LRP1B: variants seen among roughly 807,000 people sequenced by gnomAD.
LRP1B encodes the protein LDL receptor related protein 1B.
Under a neutral mutation model 556.6 loss-of-function variants are expected in LRP1B, and 217 were observed. That is an observed-to-expected ratio of 0.39 (90% CI 0.35 to 0.44). The LOEUF (loss-of-function observed/expected upper bound fraction) is 0.44, where lower values mean the gene tolerates loss of function less well. Among genes scored for constraint, LRP1B ranks in the 20% least tolerant of loss-of-function variants. The pLI is 1.00. For synonymous variants in LRP1B, 2,047 were observed against 1,865.8 expected (o/e 1.10, Z -2.50); for missense variants, 5,053 against 5,620.8 (o/e 0.90, Z 3.23).
intron 1 of LRP1B, among the ~76,000 whole-genome samples, chr2:141,898,364 AC>A (rs1355159351): frequency 3.3e-5 from 5 of 152,100 alleles, no homozygotes; most frequent in African/African-American, 1.2e-4. Context: ...TCACTTTAAT[AC>A]CATAAAAATA....
intron 1 of LRP1B, among the ~76,000 whole-genome samples, chr2:142,066,665 TC>T (rs1705121366): frequency 6.6e-6 from 1 of 151,468 alleles, no homozygotes; most frequent in African/African-American, 2.4e-5. Flanking sequence ...GCCATTGACT[TC>T]CGTATTTCTA....
At chr2:140,509,790 G>C in intron 52 of LRP1B, 138 bp downstream of exon 52, 2 of 1,168,752 alleles carry the variant, frequency 1.7e-6, no homozygotes, top group South Asian at 1.6e-5. Context: ...CATCCCACCT[G>C]ATTAAGTCCA....
chr2:140,771,509 T>C (rs1361520281), intron 33 of LRP1B, among the ~76,000 whole-genome samples: 1 of 152,152 alleles, frequency 6.6e-6, no homozygotes, highest in Non-Finnish European at 1.5e-5. Flanking sequence ...GAAATAAATT[T>C]TCTCATTCAT....
At chr2:140,596,446 G>A (rs1682444604) in intron 43 of LRP1B, among the ~76,000 whole-genome samples, 1 of 152,144 alleles carries the variant, frequency 6.6e-6, no homozygotes, top group Non-Finnish European at 1.5e-5. Context: ...AAAGTAATGT[G>A]ATGTCTGCTG....
chr2:140,265,471 A>T (rs1682158656), intron 86 of LRP1B, among the ~76,000 whole-genome samples: 1 of 152,132 alleles, frequency 6.6e-6, no homozygotes, highest in Non-Finnish European at 1.5e-5. Flanking sequence ...GAATCCTTTC[A>T]AGGAACAAAT....
chr2:142,051,367 T>C (rs1268186961), intron 1 of LRP1B, among the ~76,000 whole-genome samples: 3 of 152,090 alleles, frequency 2.0e-5, no homozygotes, highest in African/African-American at 7.2e-5. Flanking sequence ...ATCAAAGGTA[T>C]ATCCATATAC....
At position 140,701,861 on chromosome 2, in the gene LRP1B, A is replaced by G. The variant is rs1239880403; in HGVS notation, c.6303-16T>C. On this transcript the variant is annotated splice_polypyrimidine_tract_variant and intron_variant, in intron 39 of 90. Transcript: ENST00000389484. ...TGCATGTGCTCTGCCAAAAAGTTGAACATACATGATCAACAATCTTCGACT... is the reference window on the plus strand; with the variant it reads ...TGCATGTGCTCTGCCAAAAAGTTGAGCATACATGATCAACAATCTTCGACT... 1 of 1,612,256 alleles carries G rather than the reference A, an allele frequency of 6.2e-7. No individual in the cohort carries two copies. Among genetic ancestry groups the G allele is most frequent in the Non-Finnish European group, 8.5e-7 (1 of 1,179,074 alleles).
At chr2:140,372,161 C>T (rs1440854943) in intron 69 of LRP1B, among the ~76,000 whole-genome samples, 1 of 152,010 alleles carries the variant, frequency 6.6e-6, no homozygotes, top group Non-Finnish European at 1.5e-5. Flanking sequence ...GTCTGAATTC[C>T]TTAGCTCAGG....
chr2:141,463,538 A>T (rs1171181961), intron 3 of LRP1B, among the ~76,000 whole-genome samples: 1 of 39,974 alleles, frequency 2.5e-5, no homozygotes, highest in Non-Finnish European at 5.9e-5. Flanking sequence ...AAAATTATAT[A>T]TTATATATAA....
At chr2:140,644,834 C>A (rs1432268736) in intron 41 of LRP1B, among the ~76,000 whole-genome samples, 1 of 152,056 alleles carries the variant, frequency 6.6e-6, no homozygotes, top group South Asian at 2.1e-4. Context: ...TTAAAGCAAT[C>A]GATCAGTACA....
At chr2:140,535,988 C>T (rs530089676) in intron 46 of LRP1B, among the ~76,000 whole-genome samples, 1 of 152,030 alleles carries the variant, frequency 6.6e-6, no homozygotes, top group Non-Finnish European at 1.5e-5. Flanking sequence ...AACAAGCCAA[C>T]GATGTGCTAT....
chr2:141,021,671 C>T (rs928678150), intron 11 of LRP1B, among the ~76,000 whole-genome samples: 4 of 151,956 alleles, frequency 2.6e-5, no homozygotes, highest in African/African-American at 9.7e-5. Context: ...TGCTGGATAA[C>T]CCTCTTATTT....
intron 90 of LRP1B, 52 bp downstream of exon 90, chr2:140,234,734 G>A (rs572631577): frequency 1.7e-5 from 13 of 748,754 alleles, no homozygotes; most frequent in Non-Finnish European, 2.7e-5. Flanking sequence ...GTCTTTGATT[G>A]TGAGGGTTCT....
At chr2:142,107,681 G>T (rs1305432187) in intron 1 of LRP1B, among the ~76,000 whole-genome samples, 1 of 151,882 alleles carries the variant, frequency 6.6e-6, no homozygotes, top group African/African-American at 2.4e-5. Context: ...AGGCTGAAGC[G>T]CAGTGGCACA....
intron 2 of LRP1B, among the ~76,000 whole-genome samples, chr2:141,579,571 G>C (rs993258688): frequency 1.3e-5 from 2 of 151,830 alleles, no homozygotes; most frequent in East Asian, 3.9e-4. Flanking sequence ...AGAATCTGGG[G>C]GTGGAAGGTG....
At chr2:141,794,490 T>C (rs1277845381) in intron 2 of LRP1B, among the ~76,000 whole-genome samples, 1 of 151,918 alleles carries the variant, frequency 6.6e-6, no homozygotes, top group East Asian at 1.9e-4. Flanking sequence ...CTGAAGCAAC[T>C]CTTCAGGTAT....
At position 141,448,903 on chromosome 2, in the gene LRP1B, A is replaced by G. The variant is rs144005950; in HGVS notation, c.343+31493T>C. ...TAAGAAGTTTCCATCTTCAGAGTTC[A>G]AGAAGCATTTAGGCCTTTTAAGCTG... is the stretch of plus-strand genomic sequence containing the variant. On this transcript the variant is annotated intron_variant, in intron 3 of 90. Coordinates refer to ENST00000389484, the MANE Select transcript of LRP1B (RefSeq NM_018557.3). Among the ~76,000 whole-genome samples, 599 of 152,358 alleles carry G rather than the reference A, an allele frequency of 3.9e-3. 2 individuals carry two copies. Among genetic ancestry groups the G allele is most frequent in the Non-Finnish European group, 5.2e-3 (356 of 68,032 alleles).
At chr2:140,568,734 A>G (rs1255265721) in intron 43 of LRP1B, among the ~76,000 whole-genome samples, 2 of 152,136 alleles carry the variant, frequency 1.3e-5, no homozygotes, top group African/African-American at 4.8e-5. Context: ...CTGAAAGACG[A>G]CAGTGTAAAG....
chr2:140,657,578 T>TAC (rs1476745004), intron 41 of LRP1B, among the ~76,000 whole-genome samples: 3 of 49,192 alleles, frequency 6.1e-5, no homozygotes, highest in Admixed American at 2.3e-4. Context: ...CATACATACA[T>TAC]ATATATACAT....
Sources: allele counts gnomAD v4.1 joint callset (sites outside exome capture counted in the v4.1 genomes callset), GRCh38; gene constraint gnomAD v4.1.1; transcripts MANE v1.5; gene names NCBI Gene and HGNC (gene_info 2026-07-23, HGNC 2026-07-21).